The following BOC variants were observed in gnomAD, a reference collection of about 807,000 sequenced individuals.
BOC encodes the protein BOC cell adhesion associated, oncogene regulated.
In BOC, 76 loss-of-function variants were observed where a neutral mutation model predicts 112.0. The ratio of observed to expected loss-of-function variants is 0.68; its 90% confidence interval spans 0.56 to 0.82. BOC has a LOEUF of 0.82. Among genes scored for constraint, BOC ranks in the 40% least tolerant of loss-of-function variants. The pLI, the probability that BOC is intolerant of heterozygous loss-of-function variation, is 0.00. For synonymous variants in BOC, 580 were observed against 599.8 expected, an observed-to-expected ratio of 0.97 and a Z score of 0.48; for missense variants, 1,309 against 1,511.7, an observed-to-expected ratio of 0.87 and a Z score of 2.22.
At chr3:113,215,319 G>A (rs1211290228) in intron 1 of BOC, among the ~76,000 whole-genome samples, 4 of 152,154 alleles carry the variant, frequency 2.6e-5, no homozygotes, top group African/African-American at 9.7e-5. Flanking sequence ...AGAAGAGGAG[G>A]TGGAATGCAG....
In BOC at chr3:113,237,669, C is replaced by T. The variant is rs530161343; in HGVS notation, c.-81-12053C>T. ...CTTAGAACCTCATCAACATTCAACT[C>T]CCCTCCAGGATTGCCCACACTGACG... On this transcript the variant is annotated intron_variant, in intron 2 of 19. Transcript: ENST00000682979. Among the ~76,000 whole-genome samples, 4 of 152,332 alleles carry T rather than the reference C, an allele frequency of 2.6e-5. No individual in the cohort carries two copies. In the East Asian group the frequency reaches 5.8e-4, roughly 22 times the overall value.
intron 2 of BOC, among the ~76,000 whole-genome samples, chr3:113,228,118 C>T (rs552918853): frequency 1.9e-4 from 29 of 152,254 alleles, no homozygotes; most frequent in African/African-American, 6.7e-4. Context: ...TGAATTTTAC[C>T]TTTGGATTCC....
At chr3:113,228,842 G>A (rs1423404231) in intron 2 of BOC, among the ~76,000 whole-genome samples, 5 of 152,328 alleles carry the variant, frequency 3.3e-5, no homozygotes, top group Admixed American at 2.6e-4. Context: ...GCCTCAGGCA[G>A]GGTGCCTCCA....
intron 3 of BOC, among the ~76,000 whole-genome samples, chr3:113,250,207 C>T (rs753454966): frequency 6.6e-5 from 10 of 152,322 alleles, no homozygotes; most frequent in South Asian, 2.1e-4. Context: ...GTTTGCAAGA[C>T]TCATGACAAC....
chr3:113,284,733 T>C, intron 17 of BOC, 49 bp from the exon 18 acceptor site: 2 of 1,578,796 alleles, frequency 1.3e-6, no homozygotes, highest in South Asian at 2.2e-5. Flanking sequence ...ACTGGAAAGT[T>C]ACCTGGACTC....
intron 4 of BOC, among the ~76,000 whole-genome samples, chr3:113,255,581 T>G (rs1270318024): frequency 6.6e-6 from 1 of 152,192 alleles, no homozygotes; most frequent in Non-Finnish European, 1.5e-5. Context: ...TACCTATAAT[T>G]CTAAACTTGG....
At chr3:113,214,234 C>T (rs1938854011) in intron 1 of BOC, among the ~76,000 whole-genome samples, 1 of 152,202 alleles carries the variant, frequency 6.6e-6, no homozygotes, top group Admixed American at 6.5e-5. Flanking sequence ...TTTCCACCCT[C>T]CAAATGGGTC....
Position 113,283,592 on chromosome 3 carries a change from C to G in BOC, c.2616C>G (p.Thr872=). The change falls in exon 16 of 20, where the codon ACC becomes ACG. Residue 872 remains threonine, a synonymous_variant. Coordinates refer to ENST00000682979, the MANE Select transcript of BOC (RefSeq NM_001378074.1). Reference sequence around the variant, plus strand: ...GCTCCATCGTTCTCATCATCGTCACCTTCATCCCCTTCTGCTTGTGGAGGG... The same window carrying G: ...GCTCCATCGTTCTCATCATCGTCACGTTCATCCCCTTCTGCTTGTGGAGGG... The part of the protein sequence containing the change: ...VLGSIVLIIV[T]FIPFCLWRAW... 6.2e-7 allele frequency: 1 copy of G among 1,613,784 alleles called. No individual in the cohort carries two copies. Among genetic ancestry groups the G allele is most frequent in the Non-Finnish European group, 8.5e-7 (1 of 1,179,970 alleles).
intron 2 of BOC, among the ~76,000 whole-genome samples, chr3:113,236,501 T>C (rs1943583149): frequency 7.9e-6 from 1 of 126,766 alleles, no homozygotes; most frequent in African/African-American, 3.1e-5. Context: ...ATGATAGACA[T>C]TGGACACTTG....
chr3:113,252,301 A>G (rs1452949767), intron 4 of BOC, among the ~76,000 whole-genome samples: 1 of 152,190 alleles, frequency 6.6e-6, no homozygotes, highest in Admixed American at 6.5e-5. Flanking sequence ...TTGTTCCCTC[A>G]TGACTCAGCA....
At chr3:113,266,461 A>G (rs972076311) in intron 4 of BOC, among the ~76,000 whole-genome samples, 7 of 152,226 alleles carry the variant, frequency 4.6e-5, no homozygotes, top group Admixed American at 2.0e-4. Context: ...AATAGCTTCC[A>G]TTGGCCACAC....
rs1948332200 is a variant in BOC at position 113,273,247 on chromosome 3, C to A, written c.1140C>A (p.Ser380Arg). 6.2e-7 allele frequency: 1 copy of A among 1,613,298 alleles called. No homozygotes were observed. Among genetic ancestry groups the A allele is most frequent in the South Asian group, 1.1e-5 (1 of 91,066 alleles). The stretch of plus-strand genomic sequence containing the variant: ...CCCGCAGGGCCCTGCGCGTGCTCAG[C>A]ATGGGGCCTGAGGACGAAGGCGTCT... ...RLSRRALRVLSMGPEDEGVYQ... is the reference protein window; with the variant it reads ...RLSRRALRVLRMGPEDEGVYQ... The change falls in exon 8 of 20, where the codon AGC (serine) becomes AGA (arginine). Residue 380 changes from serine (S) to arginine (R), a missense_variant. Transcript: ENST00000682979.
At position 113,274,609 on chromosome 3, in the gene BOC, A is replaced by G. The variant is rs141826592; in HGVS notation, c.1469A>G (p.Glu490Gly). 1 of 1,613,268 alleles carries G rather than the reference A, an allele frequency of 6.2e-7. No individual in the cohort carries two copies. The highest frequency in any genetic ancestry group is 8.5e-7 in the Non-Finnish European group (1 of 1,179,764). Residue 490 changes from glutamate to glycine, a missense_variant, in exon 9 of 20, where the codon GAA becomes GGA. Physicochemically the swap from Glu to Gly is moderately conservative, Grantham distance 98 (BLOSUM62 -2). Coordinates refer to ENST00000682979, the MANE Select transcript of BOC (RefSeq NM_001378074.1). The surrounding 1 kb of genome is among the most constrained non-coding windows in gnomAD (Gnocchi z 4.8). Reference protein sequence around the residue: ...SPRTSKTDSYELVWRPRHEGS... With the variant: ...SPRTSKTDSYGLVWRPRHEGS... ...CGCACCTCCAAGACAGACTCATATG[A>G]ACTGGTGTGGCGGCCTCGGCATGAG... is the stretch of plus-strand genomic sequence containing the variant.
In BOC at chr3:113,285,447, G is replaced by A. The variant is rs749353199; in HGVS notation, c.3042G>A (p.Gln1014=). 5 of 1,614,068 alleles carry A rather than the reference G, an allele frequency of 3.1e-6. No individual in the cohort carries two copies. The highest frequency in any genetic ancestry group is 4.2e-6 in the Non-Finnish European group (5 of 1,179,974). ...LPDDSTHQLL[Q]PHHDCCQRQE... The stretch of plus-strand genomic sequence containing the variant: ...ACGACTCCACTCACCAGCTGCTGCA[G>A]CCCCATCACGACTGCTGCCAACGCC... Residue 1014 remains glutamine, a synonymous_variant, in exon 19 of 20, where the codon CAG becomes CAA. Coordinates refer to ENST00000682979, the MANE Select transcript of BOC (RefSeq NM_001378074.1).
intron 2 of BOC, among the ~76,000 whole-genome samples, chr3:113,232,982 T>C (rs560228338): frequency 6.6e-6 from 1 of 152,190 alleles, no homozygotes; most frequent in African/African-American, 2.4e-5. Context: ...CTAGGAGGAA[T>C]GTTGTCCATG....
chr3:113,270,697 G>A, intron 5 of BOC, 104 bp from the exon 6 acceptor site: 1 of 1,373,858 alleles, frequency 7.3e-7, no homozygotes, highest in Non-Finnish European at 9.9e-7. Context: ...CCTAGTGCCT[G>A]CCCAGCCTGT....
rs1326523837 is a variant in BOC, at chr3:113,287,052, G to T, written c.*190G>T. 1.4e-6 allele frequency: 1 copy of T among 721,200 alleles called. No individual in the cohort carries two copies. Among genetic ancestry groups the T allele is most frequent in the South Asian group, 1.5e-5 (1 of 68,074 alleles). The allele number at this position is 721,200 out of a possible 1,614,324, so 44.7% of individuals were successfully genotyped here. ...TAAGGAGTCCTACCCGTTGAGGTTG[G>T]AGAGGGAAAATAAAGAAGCTGCCAC... On this transcript the variant is annotated 3_prime_UTR_variant, in exon 20 of 20. Transcript: ENST00000682979.
intron 4 of BOC, among the ~76,000 whole-genome samples, chr3:113,265,430 C>G (rs577291074): frequency 1.3e-5 from 2 of 152,064 alleles, no homozygotes; most frequent in Admixed American, 6.5e-5. Flanking sequence ...TGCTTCACAG[C>G]GCCTGAGGAA....
At chr3:113,277,205 C>T (rs957599556) in intron 9 of BOC, among the ~76,000 whole-genome samples, 3 of 152,178 alleles carry the variant, frequency 2.0e-5, no homozygotes, top group African/African-American at 7.2e-5. Flanking sequence ...GGAGAGGGGT[C>T]TAGAGAGGCC....
Sources: allele counts gnomAD v4.1 joint callset (sites outside exome capture counted in the v4.1 genomes callset), GRCh38; gene constraint gnomAD v4.1.1; non-coding constraint Gnocchi (gnomAD v3.1); transcripts MANE v1.5; gene names NCBI Gene and HGNC (gene_info 2026-07-23, HGNC 2026-07-21).